Variants in RARB observed in about 807,000 individuals in gnomAD.
The protein encoded by RARB is retinoic acid receptor beta, also known as HBV-activated protein.
A neutral mutation model predicts 51.9 loss-of-function variants in RARB; 17 were observed. The observed-to-expected ratio is 0.33, with a 90% CI of 0.22 to 0.49. The LOEUF is 0.49. Ranked by LOEUF, RARB falls within the 20% of genes least tolerant of loss-of-function variation. The probability of loss-of-function intolerance (pLI) is 0.99; values close to 1 mark genes in which losing one functional copy is unlikely to be tolerated. For synonymous variants in RARB, 215 were observed against 195.4 expected (o/e 1.10, Z -0.84); for missense variants, 369 against 550.8 (o/e 0.67, Z 3.30).
intron 5 of RARB, among the ~76,000 whole-genome samples, chr3:25,401,185 A>AG (rs1707253238): frequency 6.6e-6 from 1 of 152,178 alleles, no homozygotes; most frequent in African/African-American, 2.4e-5. Context: ...GCATCCCTAG[A>AG]GGACAACACC....
At chr3:24,952,581 G>T (rs1487826462) in intron 2 of RARB, among the ~76,000 whole-genome samples, 2 of 152,036 alleles carry the variant, frequency 1.3e-5, no homozygotes, top group African/African-American at 4.8e-5. Flanking sequence ...AGACCACATG[G>T]GCTTTACTCA....
rs146695595 is a variant in RARB at position 25,063,930 on chromosome 3, T to C, written c.-328+3754T>C. ...ACTTAGCAAGGCTCAGGGAAGACTC[T>C]AATTACCAAATGCCAGATTCGAATG... is the stretch of plus-strand genomic sequence containing the variant. On this transcript the variant is annotated intron_variant, in intron 3 of 11. Transcript: ENST00000383772. Among the ~76,000 whole-genome samples the C allele has an allele frequency of 7.5e-3, 1,145 of 152,180 alleles. 62 individuals carry two copies. Among genetic ancestry groups the C allele is most frequent in the Admixed American group, 0.069 (1,049 of 15,250 alleles).
chr3:25,208,716 A>G (rs1239501590), intron 5 of RARB, among the ~76,000 whole-genome samples: 1 of 152,018 alleles, frequency 6.6e-6, no homozygotes, highest in African/African-American at 2.4e-5. Flanking sequence ...GAAGAAATGT[A>G]TTTCCTTTCT....
chr3:25,284,374 G>A (rs1703598659), intron 5 of RARB, among the ~76,000 whole-genome samples: 1 of 151,978 alleles, frequency 6.6e-6, no homozygotes, highest in South Asian at 2.1e-4. Flanking sequence ...GCTGTTGTTT[G>A]AAGCCATTCA....
intron 2 of RARB, among the ~76,000 whole-genome samples, chr3:24,928,172 A>C (rs992583839): frequency 6.6e-6 from 1 of 151,970 alleles, no homozygotes; most frequent in Admixed American, 6.6e-5. Context: ...CAGCAGGTAT[A>C]AAGTCAATGT....
chr3:25,016,350 G>T (rs1697509236), intron 2 of RARB, among the ~76,000 whole-genome samples: 1 of 152,172 alleles, frequency 6.6e-6, no homozygotes, highest in South Asian at 2.1e-4. Context: ...ATAATACTTT[G>T]TTGTGAGAGG....
intron 2 of RARB, among the ~76,000 whole-genome samples, chr3:24,950,764 A>AT (rs1202072475): frequency 6.6e-6 from 1 of 152,196 alleles, no homozygotes; most frequent in Non-Finnish European, 1.5e-5. Flanking sequence ...TATCATATAA[A>AT]TATTATATAA....
At chr3:25,441,357 T>A in intron 1 of RARB, 1 of 296,830 alleles carries the variant, frequency 3.4e-6, no homozygotes, top group South Asian at 3.7e-5. Context: ...GCGAATCAGT[T>A]CACTGGACTT....
chr3:25,057,037 C>T lies in RARB; in HGVS notation c.-379-3088C>T, dbSNP rs565972162. Among the ~76,000 whole-genome samples, 14 of 152,144 alleles carry T rather than the reference C, an allele frequency of 9.2e-5. No homozygotes were observed. The South Asian group carries it at 2.5e-3, about 27-fold the overall frequency. On this transcript the variant is annotated intron_variant, in intron 2 of 11. Transcript: ENST00000383772. Reference sequence around the variant, plus strand: ...CACTCCCCAGTATGTTTCCCATGTTCCTTGGGATTTCTGCCATGATTCATC... The same window carrying T: ...CACTCCCCAGTATGTTTCCCATGTTTCTTGGGATTTCTGCCATGATTCATC...
intron 5 of RARB, among the ~76,000 whole-genome samples, chr3:25,237,930 A>C (rs1342944459): frequency 6.6e-6 from 1 of 152,132 alleles, no homozygotes; most frequent in Non-Finnish European, 1.5e-5. Flanking sequence ...GAGAGAGTAC[A>C]TGTGATACTT....
intron 3 of RARB, among the ~76,000 whole-genome samples, chr3:25,078,004 A>T (rs1370656623): frequency 6.6e-6 from 1 of 152,136 alleles, no homozygotes; most frequent in East Asian, 1.9e-4. Flanking sequence ...ATTGCTATAT[A>T]AATCTACCTA....
chr3:25,048,676 G>C (rs956333839), intron 2 of RARB, among the ~76,000 whole-genome samples: 7 of 151,528 alleles, frequency 4.6e-5, no homozygotes, highest in African/African-American at 1.5e-4. Context: ...TGATTGCTAG[G>C]GTTCATCTGG....
intron 5 of RARB, among the ~76,000 whole-genome samples, chr3:25,392,246 A>T (rs1379234280): frequency 6.6e-6 from 1 of 152,112 alleles, no homozygotes; most frequent in African/African-American, 2.4e-5. Context: ...CCATTGGTCT[A>T]TGTGCCTACT....
intron 2 of RARB, among the ~76,000 whole-genome samples, chr3:24,913,274 G>T (rs138287624): frequency 6.6e-6 from 1 of 151,918 alleles, no homozygotes; most frequent in Non-Finnish European, 1.5e-5. Flanking sequence ...GTGAGCCACC[G>T]CGCCCAGCCG....
chr3:25,577,496 A>C (rs950232046), intron 4 of RARB, among the ~76,000 whole-genome samples: 7 of 152,206 alleles, frequency 4.6e-5, no homozygotes, highest in Admixed American at 2.0e-4. Context: ...TTTCAGGCCT[A>C]AGGAAGAAGG....
intron 3 of RARB, among the ~76,000 whole-genome samples, chr3:25,552,540 C>G (rs1379999506): frequency 6.6e-6 from 1 of 152,034 alleles, no homozygotes. Flanking sequence ...CCAGATATTT[C>G]CAAGATAGCT....
chr3:25,346,464 CA>C (rs1031599977), intron 5 of RARB, among the ~76,000 whole-genome samples: 4 of 152,258 alleles, frequency 2.6e-5, no homozygotes, highest in South Asian at 2.1e-4. Context: ...GATGGCTAAA[CA>C]AATTAACATT....
At chr3:25,550,896 A>G (rs1699823728) in intron 3 of RARB, among the ~76,000 whole-genome samples, 1 of 152,110 alleles carries the variant, frequency 6.6e-6, no homozygotes, top group African/African-American at 2.4e-5. Context: ...AGCTCTATCC[A>G]TGTCCCTGCA....
chr3:24,980,500 T>G (rs1483286679), intron 2 of RARB, among the ~76,000 whole-genome samples: 2 of 152,196 alleles, frequency 1.3e-5, no homozygotes, highest in Non-Finnish European at 2.9e-5. Context: ...CTTCTCACTT[T>G]ATTTAATTTG....
Sources: gnomAD v4.1 joint callset for allele counts (sites outside exome capture counted in the v4.1 genomes callset) on GRCh38, gnomAD v4.1.1 for gene constraint, MANE v1.5 for transcripts, NCBI Gene and HGNC (gene_info 2026-07-23, HGNC 2026-07-21) for gene names.